Variants in HS6ST2 observed in about 807,000 individuals in gnomAD.
The protein encoded by HS6ST2 is heparan-sulfate 6-O-sulfotransferase 2.
Under a neutral mutation model 33.0 loss-of-function variants are expected in HS6ST2, and 17 were observed. The ratio of observed to expected loss-of-function variants is 0.52; its 90% CI spans 0.35 to 0.77. HS6ST2 has a LOEUF of 0.77. Among genes scored for constraint, HS6ST2 ranks in the 30% least tolerant of loss-of-function variants. The pLI, the probability that HS6ST2 is intolerant of heterozygous loss-of-function variation, is 0.01. For synonymous variants in HS6ST2, 248 were observed against 237.1 expected (o/e 1.05, Z -0.42); for missense variants, 519 against 551.7 (o/e 0.94, Z 0.59).
intron 2 of HS6ST2, among the ~76,000 whole-genome samples, chrX:132,811,688 A>ATATATATG (rs1190607101): frequency 1.6e-5 from 1 of 61,270 alleles, no homozygotes; most frequent in African/African-American, 5.7e-5. Flanking sequence ...GCTGAATAAT[A>ATATATATG]TATATATATA....
At chrX:132,717,321 A>G (rs1388870583) in intron 2 of HS6ST2, among the ~76,000 whole-genome samples, 1 of 112,782 alleles carries the variant, frequency 8.9e-6, no homozygotes. Flanking sequence ...GAGTTGATGG[A>G]ACTATGTTCA....
intron 2 of HS6ST2, among the ~76,000 whole-genome samples, chrX:132,865,548 A>G (rs369908426): frequency 9.9e-5 from 11 of 110,578 alleles, no homozygotes; most frequent in East Asian, 2.9e-4. Context: ...CTGAGGAATC[A>G]CCACACTGAC....
At chrX:132,653,398 A>G (rs990900904) in intron 4 of HS6ST2, among the ~76,000 whole-genome samples, 2 of 112,155 alleles carry the variant, frequency 1.8e-5, no homozygotes, top group Admixed American at 1.9e-4. Context: ...CCCTCCTTTT[A>G]AAACTCATCT....
intron 4 of HS6ST2, among the ~76,000 whole-genome samples, chrX:132,662,141 G>A (rs1483122129): frequency 1.8e-5 from 2 of 110,783 alleles, no homozygotes; most frequent in Non-Finnish European, 3.8e-5. Flanking sequence ...AATACATATG[G>A]ACAAATGATC....
intron 2 of HS6ST2, among the ~76,000 whole-genome samples, chrX:132,847,193 A>G (rs1057288632): frequency 3.6e-5 from 4 of 111,744 alleles, no homozygotes; most frequent in Admixed American, 9.5e-5. Flanking sequence ...AGTACAGAGA[A>G]AAAATTTGGA....
At chrX:132,670,115 A>C (rs377426257) in intron 3 of HS6ST2, among the ~76,000 whole-genome samples, 18 of 107,753 alleles carry the variant, frequency 1.7e-4, no homozygotes, top group African/African-American at 6.2e-4. Flanking sequence ...TTTTTTTGTT[A>C]GTAAGTTCTA....
At chrX:132,950,201 C>T (rs943678100) in intron 2 of HS6ST2, among the ~76,000 whole-genome samples, 1 of 111,572 alleles carries the variant, frequency 9.0e-6, no homozygotes, top group African/African-American at 3.3e-5. Context: ...TTTCCCACTC[C>T]TACGAAGGCA....
At chrX:132,694,356 C>T (rs779829653) in intron 3 of HS6ST2, among the ~76,000 whole-genome samples, 1 of 111,789 alleles carries the variant, frequency 8.9e-6, no homozygotes, top group Admixed American at 9.5e-5. Context: ...AAGGACCCAG[C>T]CCTGCAGATA....
chrX:132,811,048 A>AT (rs775601215), intron 2 of HS6ST2, among the ~76,000 whole-genome samples: 27 of 112,688 alleles, frequency 2.4e-4, no homozygotes, highest in Non-Finnish European at 4.5e-4. Flanking sequence ...GGAAGAGATG[A>AT]TTTTGTGAAT....
intron 4 of HS6ST2, among the ~76,000 whole-genome samples, chrX:132,667,262 C>T (rs530045562): frequency 1.8e-5 from 2 of 111,653 alleles, no homozygotes; most frequent in African/African-American, 3.3e-5. Context: ...TGTCGGAGAA[C>T]TTGTAATTTT....
intron 2 of HS6ST2, among the ~76,000 whole-genome samples, chrX:132,810,732 C>T (rs1396501226): frequency 8.9e-6 from 1 of 111,900 alleles, no homozygotes; most frequent in African/African-American, 3.2e-5. Flanking sequence ...ATTGTGCTTG[C>T]TTGCTTAGAC....
intron 2 of HS6ST2, among the ~76,000 whole-genome samples, chrX:132,946,405 T>C (rs1056843250): frequency 1.8e-5 from 2 of 112,255 alleles, no homozygotes; most frequent in African/African-American, 6.5e-5. Context: ...TAAGAAAATT[T>C]GGCACATATA....
intron 2 of HS6ST2, among the ~76,000 whole-genome samples, chrX:132,829,321 T>C (rs1257472560): frequency 9.4e-6 from 1 of 106,222 alleles, no homozygotes; most frequent in Non-Finnish European, 1.9e-5. Context: ...ATTAAATATA[T>C]AAATCATATG....
intron 3 of HS6ST2, among the ~76,000 whole-genome samples, chrX:132,688,277 T>C (rs767253198): frequency 8.9e-6 from 1 of 112,162 alleles, no homozygotes; most frequent in Non-Finnish European, 1.9e-5. Context: ...TGACATGGTC[T>C]CCAAAATAAC....
intron 2 of HS6ST2, among the ~76,000 whole-genome samples, chrX:132,796,482 C>T (rs2065181441): frequency 8.9e-6 from 1 of 112,460 alleles, no homozygotes; most frequent in Admixed American, 9.4e-5. Flanking sequence ...GTGGCAATCA[C>T]ACATGGACTG....
At chrX:132,868,972 A>T (rs1320919920) in intron 2 of HS6ST2, among the ~76,000 whole-genome samples, 15 of 102,052 alleles carry the variant, frequency 1.5e-4, no homozygotes, top group African/African-American at 5.6e-4. Context: ...AAACCCTTCA[A>T]AAAATCAATG....
chrX:132,634,514 T>C (rs928470819), intron 4 of HS6ST2, among the ~76,000 whole-genome samples: 1 of 112,209 alleles, frequency 8.9e-6, no homozygotes, highest in East Asian at 2.8e-4. Flanking sequence ...TGCTTCTGTA[T>C]GCCCATGGTG....
intron 2 of HS6ST2, among the ~76,000 whole-genome samples, chrX:132,751,419 A>T (rs776091191): frequency 3.0e-4 from 34 of 112,125 alleles, no homozygotes; most frequent in South Asian, 7.5e-4. Context: ...TCAGGACTGC[A>T]CCTGGGAAGG....
intron 2 of HS6ST2, among the ~76,000 whole-genome samples, chrX:132,765,223 T>C (rs1484204304): frequency 2.7e-5 from 3 of 111,637 alleles, no homozygotes; most frequent in Non-Finnish European, 5.6e-5. Context: ...GAGGCACAAG[T>C]GGGAGAGATA....
Sources: gnomAD v4.1 joint callset for allele counts (sites outside exome capture counted in the v4.1 genomes callset) on GRCh38, gnomAD v4.1.1 for gene constraint, MANE v1.5 for transcripts, NCBI Gene and HGNC (gene_info 2026-07-23, HGNC 2026-07-21) for gene names.